Variants in LUC7L2 observed in about 807,000 individuals in gnomAD.
LUC7L2 encodes putative RNA-binding protein Luc7-like 2.
LUC7L2 carries 25 observed loss-of-function variants against 52.8 expected under a neutral mutation model. The ratio of observed to expected loss-of-function variants is 0.47; its 90% confidence interval spans 0.34 to 0.66. LUC7L2 has a LOEUF of 0.66. LUC7L2 is among the 30% of genes least tolerant of loss of function. The pLI is 0.01. For missense variants in LUC7L2, 328 were observed against 497.8 expected (o/e 0.66, Z 3.25); for synonymous variants, 144 against 160.9 (o/e 0.89, Z 0.80).
chr7:139,369,662 T>G (rs550006336), intron 1 of LUC7L2, among the ~76,000 whole-genome samples: 1 of 152,272 alleles, frequency 6.6e-6, no homozygotes, highest in Middle Eastern at 3.4e-3. Context: ...TCTTGTGATA[T>G]GGATTTTCAC....
chr7:139,371,309 C>T, intron 1 of LUC7L2: 3 of 703,480 alleles, frequency 4.3e-6, no homozygotes, highest in Non-Finnish European at 7.8e-6. Context: ...ATTCTGCATA[C>T]CATTAAATAT....
intron 1 of LUC7L2, chr7:139,345,616 G>A (rs750396218): frequency 1.2e-6 from 2 of 1,614,132 alleles, no homozygotes; most frequent in Non-Finnish European, 1.7e-6. Flanking sequence ...GAATTTCATG[G>A]CAAGGGTGAG....
intron 1 of LUC7L2, among the ~76,000 whole-genome samples, chr7:139,364,524 G>C (rs1800047988): frequency 6.6e-6 from 1 of 152,110 alleles, no homozygotes; most frequent in Non-Finnish European, 1.5e-5. Context: ...CTAAATTGTA[G>C]GATATACTTC....
At chr7:139,372,620 T>C (rs1452158821) in intron 1 of LUC7L2, among the ~76,000 whole-genome samples, 1 of 152,156 alleles carries the variant, frequency 6.6e-6, no homozygotes, top group South Asian at 2.1e-4. Flanking sequence ...GATCATGTTA[T>C]CTTGTATTAT....
chr7:139,350,963 T>A (rs536837137), intron 1 of LUC7L2, among the ~76,000 whole-genome samples: 1 of 152,128 alleles, frequency 6.6e-6, no homozygotes, highest in Non-Finnish European at 1.5e-5. Context: ...TGTGAGCCAC[T>A]GCGCCTGGCC....
At chr7:139,407,042 G>T in intron 5 of LUC7L2, 132 bp from the exon 6 acceptor site, 2 of 402,786 alleles carry the variant, frequency 5.0e-6, no homozygotes, top group Non-Finnish European at 6.6e-6. Context: ...TCTCGCCCCA[G>T]TGAGCCACCG....
At chr7:139,420,896 T>C (rs918686799) in intron 9 of LUC7L2, among the ~76,000 whole-genome samples, 1 of 152,134 alleles carries the variant, frequency 6.6e-6, no homozygotes, top group Non-Finnish European at 1.5e-5. Flanking sequence ...CCTCCCAGGT[T>C]CAAGTGATTC....
In LUC7L2 at chr7:139,407,237, G is replaced by T; in HGVS notation, c.574G>T (p.Val192Phe). 1.9e-6 allele frequency: 3 copies of T among 1,613,394 alleles called. No individual in the cohort carries two copies. The highest frequency in any genetic ancestry group is 2.5e-6 in the Non-Finnish European group (3 of 1,179,548). ...GCAGCAGAAACTTCGAGTCTGTGAA[G>T]TCTGCTCTGCCTATTTAGGACTTCA... ...FQQQKLRVCE[V>F]CSAYLGLHDN... Residue 192 changes from valine to phenylalanine, a missense_variant, in exon 6 of 10, where the codon GTC (valine) becomes TTC (phenylalanine). Transcript: ENST00000354926.
chr7:139,359,933 G>A lies in LUC7L2; in HGVS notation c.-329G>A, dbSNP rs887559203. 7.1e-6 allele frequency: 3 copies of A among 421,128 alleles called. No homozygotes were observed. The highest frequency in any genetic ancestry group is 1.3e-5 in the Non-Finnish European group (3 of 237,872). 26.1% of individuals were successfully genotyped at this position (421,128 alleles called of 1,614,324 possible). ...GACGGTGGCGGCGAGCGGCGTCAGAGCTTGAGGGGGGGTTGACGGCTTCTG... is the reference window on the plus strand; with the variant it reads ...GACGGTGGCGGCGAGCGGCGTCAGAACTTGAGGGGGGGTTGACGGCTTCTG... On this transcript the variant is annotated 5_prime_UTR_variant, in exon 1 of 10. Transcript: ENST00000354926.
intron 2 of LUC7L2, among the ~76,000 whole-genome samples, chr7:139,388,486 G>A (rs1585104071): frequency 6.6e-6 from 1 of 151,740 alleles, no homozygotes; most frequent in Non-Finnish European, 1.5e-5. Flanking sequence ...CATGTCTAAG[G>A]TATACTTGTT....
At position 139,423,370 on chromosome 7, in the gene LUC7L2, T is replaced by C. The variant is rs914596485; in HGVS notation, c.*1030T>C. ...TCAGGGTTGTTTGTAATGACCGTTATAGAGAAGGGCTCGACCTGCAGAAGA... is the reference window on the plus strand; with the variant it reads ...TCAGGGTTGTTTGTAATGACCGTTACAGAGAAGGGCTCGACCTGCAGAAGA... On this transcript the variant is annotated 3_prime_UTR_variant, in exon 10 of 10. Coordinates refer to ENST00000354926, the MANE Select transcript of LUC7L2 (RefSeq NM_016019.5). 2.8e-5 allele frequency: 11 copies of C among 398,936 alleles called. No homozygotes were observed. Among genetic ancestry groups the C allele is most frequent in the Admixed American group, 4.4e-5 (1 of 22,702 alleles). The allele number at this position is 398,936 out of a possible 1,614,324, so 24.7% of individuals were successfully genotyped here.
intron 7 of LUC7L2, among the ~76,000 whole-genome samples, chr7:139,412,217 T>TAA (rs374245116): frequency 4.8e-5 from 6 of 124,886 alleles, no homozygotes; most frequent in East Asian, 2.3e-4. Context: ...ATGTAAAAAT[T>TAA]AAAAAAAAAA....
At chr7:139,375,983 A>T in intron 1 of LUC7L2, 79 bp from the exon 2 acceptor site, 1 of 1,449,576 alleles carries the variant, frequency 6.9e-7, no homozygotes, top group Non-Finnish European at 9.6e-7. Flanking sequence ...CACACATAAA[A>T]AGCTAGTAAT....
At chr7:139,365,715 G>A (rs1255448681) in intron 1 of LUC7L2, among the ~76,000 whole-genome samples, 1 of 152,192 alleles carries the variant, frequency 6.6e-6, no homozygotes, top group African/African-American at 2.4e-5. Flanking sequence ...GAAAAGGACT[G>A]AATTCTTAAA....
At chr7:139,373,912 GT>G (rs1800580872) in intron 1 of LUC7L2, among the ~76,000 whole-genome samples, 1 of 151,940 alleles carries the variant, frequency 6.6e-6, no homozygotes, top group Admixed American at 6.6e-5. Flanking sequence ...GGATTTTTTT[GT>G]TTTGTTTTGT....
At chr7:139,341,716 CG>C (rs372855450) in intron 1 of LUC7L2, among the ~76,000 whole-genome samples, 3,134 of 150,346 alleles carry the variant, frequency 0.021, 35 homozygotes, top group South Asian at 0.053. Context: ...AAAGGACCAG[CG>C]GGGGGGGGCG....
chr7:139,364,205 G>A (rs931924123), intron 1 of LUC7L2, among the ~76,000 whole-genome samples: 3 of 151,854 alleles, frequency 2.0e-5, no homozygotes, highest in African/African-American at 4.8e-5. Context: ...GGATGGTCTC[G>A]AACTCCTGAC....
At chr7:139,356,770 T>C (rs1379099152), upstream of LUC7L2, among the ~76,000 whole-genome samples, 1 of 152,140 alleles carries the variant, frequency 6.6e-6, no homozygotes, top group Non-Finnish European at 1.5e-5. Context: ...TTTGTGAAAC[T>C]TTATTCACAA....
intron 9 of LUC7L2, among the ~76,000 whole-genome samples, chr7:139,420,209 A>AT (rs369504812): frequency 0.022 from 3,208 of 148,902 alleles, 39 homozygotes; most frequent in South Asian, 0.052. Flanking sequence ...TAAGTAATTT[A>AT]TTTTTTTTTT....
Sources: gnomAD v4.1 joint callset for allele counts (sites outside exome capture counted in the v4.1 genomes callset) on GRCh38, gnomAD v4.1.1 for gene constraint, MANE v1.5 for transcripts, NCBI Gene and HGNC (gene_info 2026-07-23, HGNC 2026-07-21) for gene names.